Variants in MED12L observed in about 807,000 individuals in gnomAD.
MED12L encodes the protein mediator of RNA polymerase II transcription subunit 12-like protein.
In MED12L, 60 loss-of-function variants were observed where a neutral mutation model predicts 281.3. That is an observed-to-expected ratio of 0.21 (90% CI 0.17 to 0.26). The LOEUF is 0.26. Among genes scored for constraint, MED12L ranks in the 10% least tolerant of loss-of-function variants. The probability of loss-of-function intolerance (pLI) is 1.00; values close to 1 mark genes in which losing one functional copy is unlikely to be tolerated. For missense variants in MED12L, 2,146 were observed against 2,680.9 expected (o/e 0.80, Z 4.41); for synonymous variants, 974 against 987.2 (o/e 0.99, Z 0.25).
intron 16 of MED12L, among the ~76,000 whole-genome samples, chr3:151,261,164 G>C (rs1018623996): frequency 2.0e-5 from 3 of 151,846 alleles, no homozygotes; most frequent in African/African-American, 7.3e-5. Context: ...AAATTATACT[G>C]TTCCCCATTC....
chr3:151,368,482 A>C (rs1436473244), intron 25 of MED12L, among the ~76,000 whole-genome samples: 1 of 152,142 alleles, frequency 6.6e-6, no homozygotes, highest in Non-Finnish European at 1.5e-5. Context: ...AGCAATAAAA[A>C]TACCTCTGCT....
chr3:151,316,300 A>G (rs1030590322), intron 16 of MED12L: 4 of 152,176 alleles, frequency 2.6e-5, no homozygotes, highest in African/African-American at 9.7e-5. Context: ...TTACTCATCT[A>G]ATAAAGTAAA....
chr3:151,154,491 C>T (rs576284999), intron 5 of MED12L, among the ~76,000 whole-genome samples: 133 of 152,146 alleles, frequency 8.7e-4, no homozygotes, highest in African/African-American at 3.0e-3. Flanking sequence ...ATAATGAACG[C>T]GTATTTCTCC....
chr3:151,370,060 A>G (rs987886389), intron 26 of MED12L, among the ~76,000 whole-genome samples: 2 of 152,136 alleles, frequency 1.3e-5, no homozygotes, highest in Non-Finnish European at 2.9e-5. Flanking sequence ...AATGATGTTG[A>G]TATTATTGAT....
Position 151,218,008 on chromosome 3 carries a change from A to T in MED12L, c.2250+24342A>T, listed in dbSNP as rs550104335. Among the ~76,000 whole-genome samples the T allele has an allele frequency of 1.7e-4, 26 of 152,334 alleles. No individual in the cohort carries two copies. In the South Asian group the frequency reaches 5.4e-3, roughly 32 times the overall value. On this transcript the variant is annotated intron_variant, in intron 16 of 44. Coordinates refer to ENST00000687756, the MANE Select transcript of MED12L (RefSeq NM_001393769.1). ...AATCAGGACAAAATCATTAAAAAAGACATGCATCATTTGGACCTCGTGATA... is the reference window on the plus strand; with the variant it reads ...AATCAGGACAAAATCATTAAAAAAGTCATGCATCATTTGGACCTCGTGATA...
chr3:151,292,876 CCTTTT>C (rs1332486080), intron 16 of MED12L, among the ~76,000 whole-genome samples: 23 of 152,188 alleles, frequency 1.5e-4, no homozygotes, highest in Non-Finnish European at 2.5e-4. Context: ...TTTCAAATTG[CCTTTT>C]CTTAATTAGC....
chr3:151,133,546 A>C (rs914544430), intron 5 of MED12L, among the ~76,000 whole-genome samples: 2 of 151,900 alleles, frequency 1.3e-5, no homozygotes, highest in Non-Finnish European at 2.9e-5. Context: ...TTTTAAATAG[A>C]GGGGAATTAG....
chr3:151,273,824 A>G (rs896622380), intron 16 of MED12L, among the ~76,000 whole-genome samples: 1 of 152,230 alleles, frequency 6.6e-6, no homozygotes, highest in Non-Finnish European at 1.5e-5. Context: ...GAGTGGATTT[A>G]AATAAAACTT....
chr3:151,106,468 C>G (rs546214665), intron 2 of MED12L, among the ~76,000 whole-genome samples: 97 of 151,796 alleles, frequency 6.4e-4, no homozygotes, highest in Non-Finnish European at 1.1e-3. Flanking sequence ...GCCACCATGC[C>G]CCGCCTGATG....
intron 2 of MED12L, among the ~76,000 whole-genome samples, chr3:151,105,392 A>G (rs1721885995): frequency 6.6e-6 from 1 of 151,270 alleles, no homozygotes; most frequent in South Asian, 2.1e-4. Context: ...CTCACCTCCC[A>G]CTTCTTCCTC....
intron 16 of MED12L, among the ~76,000 whole-genome samples, chr3:151,244,692 A>C (rs1734974495): frequency 2.6e-5 from 4 of 151,284 alleles, no homozygotes; most frequent in Admixed American, 1.3e-4. Context: ...ACACCCTAAC[A>C]TCACAATTAA....
intron 16 of MED12L, among the ~76,000 whole-genome samples, chr3:151,226,728 G>T (rs1730563702): frequency 6.6e-6 from 1 of 152,120 alleles, no homozygotes; most frequent in African/African-American, 2.4e-5. Context: ...AGTTTCTTCA[G>T]TTATCTTCCA....
intron 11 of MED12L, among the ~76,000 whole-genome samples, chr3:151,167,387 CTTAG>C (rs1381622835): frequency 6.6e-6 from 1 of 152,186 alleles, no homozygotes; most frequent in African/African-American, 2.4e-5. Flanking sequence ...CCTTCAATAC[CTTAG>C]TTAGCTGATG....
intron 21 of MED12L, among the ~76,000 whole-genome samples, chr3:151,363,917 G>A (rs752828620): frequency 1.3e-5 from 2 of 152,094 alleles, no homozygotes; most frequent in African/African-American, 2.4e-5. Flanking sequence ...AGTGGCAATA[G>A]TTTAGAATAG....
chr3:151,223,765 A>G, intron 16 of MED12L, among the ~76,000 whole-genome samples: 1 of 152,234 alleles, frequency 6.6e-6, no homozygotes, highest in East Asian at 1.9e-4. Context: ...TGATGGGTTC[A>G]CTAGAAGCCC....
intron 16 of MED12L, among the ~76,000 whole-genome samples, chr3:151,215,016 A>G (rs897863670): frequency 6.6e-6 from 1 of 152,138 alleles, no homozygotes. Context: ...TATTCTACAT[A>G]TATGTTGGAC....
At chr3:151,185,002 T>G (rs1019348138) in intron 11 of MED12L, among the ~76,000 whole-genome samples, 2 of 152,120 alleles carry the variant, frequency 1.3e-5, no homozygotes, top group Non-Finnish European at 2.9e-5. Flanking sequence ...AGTCAGTGGT[T>G]GTTTTTTTCC....
intron 39 of MED12L, among the ~76,000 whole-genome samples, chr3:151,404,625 C>T (rs1237205251): frequency 6.6e-6 from 1 of 152,166 alleles, no homozygotes; most frequent in East Asian, 1.9e-4. Flanking sequence ...TAAAACATTA[C>T]CCACTGGTTT....
chr3:151,337,875 T>C (rs1241984465), intron 16 of MED12L: 3 of 1,614,018 alleles, frequency 1.9e-6, no homozygotes, highest in Non-Finnish European at 2.5e-6. Context: ...CCTATTGTCC[T>C]GGGACAGAGA....
Sources: allele counts gnomAD v4.1 joint callset (sites outside exome capture counted in the v4.1 genomes callset), GRCh38; gene constraint gnomAD v4.1.1; transcripts MANE v1.5; gene names NCBI Gene and HGNC (gene_info 2026-07-23, HGNC 2026-07-21).